MBP: variants seen among roughly 807,000 people sequenced by gnomAD.
MBP encodes the protein myelin basic protein.
Under a neutral mutation model 35.8 loss-of-function variants are expected in MBP, and 16 were observed. That is an observed-to-expected ratio of 0.45 (90% CI 0.30 to 0.68). The LOEUF is 0.68. Among genes scored for constraint, MBP ranks in the 30% least tolerant of loss-of-function variants. The pLI is 0.08. For missense variants in MBP, 380 were observed against 404.7 expected (o/e 0.94, Z 0.52); for synonymous variants, 143 against 159.6 (o/e 0.90, Z 0.78).
At chr18:77,035,836 T>C (rs1972744459) in intron 3 of MBP, among the ~76,000 whole-genome samples, 1 of 152,248 alleles carries the variant, frequency 6.6e-6, no homozygotes, top group African/African-American at 2.4e-5. Flanking sequence ...CCTGCAAACA[T>C]TACTGCTTAA....
Position 76,988,723 on chromosome 18 carries a change from T to A in MBP, c.717+154A>T. 1 of 1,314,880 alleles carries A rather than the reference T, an allele frequency of 7.6e-7. No individual in the cohort carries two copies. 81.5% of individuals were successfully genotyped at this position (1,314,880 alleles called of 1,614,324 possible). A position where few individuals can be genotyped will look rare whatever the true frequency, so the allele number is the denominator to read the frequency against. ...GGGAGGGACAGGAGGGGTGCATGGA[T>A]CTGCCGACCTGTTCTACTTGGGAGC... is the stretch of plus-strand genomic sequence containing the variant. On this transcript the variant is annotated intron_variant, in intron 6 of 8. Coordinates refer to ENST00000355994, the MANE Select transcript of MBP (RefSeq NM_001025101.2). This position sits in a 1 kb window ranked among gnomAD's most constrained non-coding sequence, Gnocchi z 5.2.
Position 76,989,731 on chromosome 18 carries a change from G to A in MBP, c.681+225C>T. 1.9e-6 allele frequency: 1 copy of A among 520,184 alleles called. No homozygotes were observed. The highest frequency in any genetic ancestry group is 2.1e-5 in the South Asian group (1 of 48,390). The allele number at this position is 520,184 out of a possible 1,614,324, so 32.2% of individuals were successfully genotyped here. A position where few individuals can be genotyped will look rare whatever the true frequency, so the allele number is the denominator to read the frequency against. On this transcript the variant is annotated intron_variant, in intron 5 of 8. Transcript: ENST00000355994. The surrounding 1 kb of genome is among the most constrained non-coding windows in gnomAD (Gnocchi z 4.0). ...AATCTCAAGAGAAGTGAGCTCTCTG[G>A]AGAACGCACGGAGCGCACGGTGCAA... is the stretch of plus-strand genomic sequence containing the variant.
intron 3 of MBP, among the ~76,000 whole-genome samples, chr18:77,025,433 C>T (rs1345635842): frequency 1.3e-5 from 2 of 152,162 alleles, no homozygotes; most frequent in African/African-American, 4.8e-5. Flanking sequence ...CTTGGTGCAC[C>T]ATAGCCACCT....
chr18:77,080,102 A>C (rs1322184590), intron 2 of MBP, among the ~76,000 whole-genome samples: 1 of 152,240 alleles, frequency 6.6e-6, no homozygotes. Context: ...TGCTGTCATA[A>C]AAATAGTTCT....
chr18:76,998,619 T>C (rs113206501), intron 4 of MBP, among the ~76,000 whole-genome samples: 6 of 152,242 alleles, frequency 3.9e-5, no homozygotes, highest in African/African-American at 1.4e-4. Context: ...CCCTTATTCT[T>C]TGAAGGAATA....
At chr18:77,014,638 G>T in intron 4 of MBP, 1 of 985,384 alleles carries the variant, frequency 1.0e-6, no homozygotes, top group African/African-American at 1.7e-5. Context: ...CAGATTTTTA[G>T]GGCCATTGCG....
rs535536627 is a variant in MBP, at chr18:77,066,298, C to T, written c.139G>A (p.Gly47Arg). ...TGTTGCCGATATCTGCGTCACCTAC[C>T]GAACACTTCGTTGTCCTCTGAGGTT... ...RTTSEDNEVF[G>R]EADANQNNGT... is the part of the protein sequence containing the mutation. Residue 47 changes from glycine to arginine, a missense_variant and splice_region_variant, in exon 3 of 9, where the codon GGA (glycine) becomes AGA (arginine). Transcript: ENST00000355994. 2.7e-5 allele frequency: 44 copies of T among 1,612,858 alleles called. No individual in the cohort carries two copies. The highest frequency in any genetic ancestry group is 4.0e-5 in the African/African-American group (3 of 74,864).
At chr18:77,085,205 AC>A (rs1405645761) in intron 2 of MBP, among the ~76,000 whole-genome samples, 2 of 152,200 alleles carry the variant, frequency 1.3e-5, no homozygotes, top group African/African-American at 2.4e-5. Flanking sequence ...TAAAAAAAAA[AC>A]AGTCCTACTT....
At chr18:77,000,116 G>A (rs1970550938) in intron 4 of MBP, among the ~76,000 whole-genome samples, 1 of 152,052 alleles carries the variant, frequency 6.6e-6, no homozygotes, top group African/African-American at 2.4e-5. Context: ...TGGGACAGCT[G>A]AAGAATTAAA....
intron 4 of MBP, chr18:77,014,287 T>G (rs975059959): frequency 5.1e-6 from 5 of 985,460 alleles, no homozygotes; most frequent in Admixed American, 6.1e-5. Context: ...AGCGGCCATG[T>G]GCCCTCAAGG....
chr18:76,983,874 A>G (rs1272279276), intron 8 of MBP: 1 of 152,272 alleles, frequency 6.6e-6, no homozygotes, highest in Non-Finnish European at 1.5e-5. Flanking sequence ...ACATGGAGTC[A>G]AAGGTCAGGT....
intron 1 of MBP, among the ~76,000 whole-genome samples, chr18:77,123,767 G>A (rs868642637): frequency 3.3e-5 from 5 of 152,240 alleles, no homozygotes; most frequent in Non-Finnish European, 5.9e-5. Context: ...GGAGTTGGGC[G>A]TCCAGCCACC....
At chr18:77,108,618 C>A (rs1284405009) in intron 1 of MBP, 2 of 152,208 alleles carry the variant, frequency 1.3e-5, no homozygotes. Flanking sequence ...CGAGGGTTAA[C>A]ATTGGGCACA....
intron 1 of MBP, among the ~76,000 whole-genome samples, chr18:77,107,655 G>A (rs1207475494): frequency 1.3e-5 from 2 of 152,164 alleles, no homozygotes; most frequent in East Asian, 1.9e-4. Context: ...TGTTTCTTCC[G>A]AATCAGTTTG....
At chr18:77,081,858 T>A (rs56402735) in intron 2 of MBP, among the ~76,000 whole-genome samples, 4,033 of 16,456 alleles carry the variant, frequency 0.25, 111 homozygotes, top group African/African-American at 0.26. Context: ...ATATATATAT[T>A]TTTTTTTTTT....
At chr18:77,045,423 C>T (rs1398255759) in intron 3 of MBP, among the ~76,000 whole-genome samples, 2 of 152,012 alleles carry the variant, frequency 1.3e-5, no homozygotes, top group Non-Finnish European at 2.9e-5. Context: ...GCCTGGCTGC[C>T]AGCAGAGACA....
chr18:77,112,281 G>A (rs545920949), intron 1 of MBP, among the ~76,000 whole-genome samples: 33 of 152,298 alleles, frequency 2.2e-4, no homozygotes, highest in South Asian at 6.2e-4. Flanking sequence ...GGCGGGTGGC[G>A]GCAAAGCTGT....
intron 1 of MBP, among the ~76,000 whole-genome samples, chr18:77,115,926 T>C (rs1212704342): frequency 6.6e-6 from 1 of 151,478 alleles, no homozygotes; most frequent in Non-Finnish European, 1.5e-5. Flanking sequence ...CTCACTGTGG[T>C]CCCTCAGAAG....
chr18:77,056,428 A>T (rs1973726099), intron 3 of MBP, among the ~76,000 whole-genome samples: 1 of 152,172 alleles, frequency 6.6e-6, no homozygotes, highest in South Asian at 2.1e-4. Context: ...CCTCTTGCTC[A>T]GTTCACTGCC....
Sources: allele counts gnomAD v4.1 joint callset (sites outside exome capture counted in the v4.1 genomes callset), GRCh38; gene constraint gnomAD v4.1.1; non-coding constraint Gnocchi (gnomAD v3.1); transcripts MANE v1.5; gene names NCBI Gene and HGNC (gene_info 2026-07-23, HGNC 2026-07-21).